HNRNPLL: variants seen among roughly 807,000 people sequenced by gnomAD.
The protein encoded by HNRNPLL is heterogeneous nuclear ribonucleoprotein L-like.
A neutral mutation model predicts 67.1 loss-of-function variants in HNRNPLL; 25 were observed. The ratio of observed to expected loss-of-function variants is 0.37; its 90% CI spans 0.27 to 0.52. The LOEUF (loss-of-function observed/expected upper bound fraction) is 0.52. Among genes scored for constraint, HNRNPLL ranks in the 20% least tolerant of loss-of-function variants. HNRNPLL has a pLI of 0.90. For missense variants in HNRNPLL, 542 were observed against 673.9 expected, an observed-to-expected ratio of 0.80 and a Z score of 2.17; for synonymous variants, 267 against 241.7, an observed-to-expected ratio of 1.10 and a Z score of -0.97.
chr2:38,577,416 C>A lies in HNRNPLL; in HGVS notation c.874+45G>T. ...ATACTTCATCAGAAATGCAGCAAGT[C>A]AAACAGTTCATCTATACTACCTTCT... On this transcript the variant is annotated intron_variant, in intron 7 of 12. Coordinates refer to ENST00000449105, the MANE Select transcript of HNRNPLL (RefSeq NM_138394.4). The A allele has an allele frequency of 2.6e-6, 3 of 1,173,048 alleles. No individual in the cohort carries two copies. In the South Asian group the frequency reaches 3.7e-5, roughly 14 times the overall value. 72.7% of individuals were successfully genotyped at this position (1,173,048 alleles called of 1,614,324 possible). A position where few individuals can be genotyped will look rare whatever the true frequency, so the allele number is the denominator to read the frequency against.
chr2:38,602,120 C>G (rs1279945558), intron 1 of HNRNPLL: 6 of 361,308 alleles, frequency 1.7e-5, no homozygotes, highest in African/African-American at 2.2e-5. Flanking sequence ...TAACAAAGAG[C>G]TCCCCGAGCC....
In HNRNPLL at chr2:38,562,899, C is replaced by A. The variant is rs1246223639; in HGVS notation, c.*1283G>T. On this transcript the variant is annotated 3_prime_UTR_variant, in exon 13 of 13. Coordinates refer to ENST00000449105, the MANE Select transcript of HNRNPLL (RefSeq NM_138394.4). ...TTTATATTAAAATTTAAAATAAAGT[C>A]TTTACAAAAGATCTAAATGGAACTT... 6.6e-6 allele frequency: 1 copy of A among 151,948 alleles called. No individual in the cohort carries two copies. The highest frequency in any genetic ancestry group is 2.1e-4 in the South Asian group (1 of 4,824). The allele number at this position is 151,948 out of a possible 1,614,324, so 9.4% of individuals were successfully genotyped here.
intron 1 of HNRNPLL, among the ~76,000 whole-genome samples, chr2:38,597,455 A>C (rs1020195613): frequency 3.3e-5 from 5 of 152,234 alleles, no homozygotes; most frequent in Non-Finnish European, 5.9e-5. Flanking sequence ...AATATAGAAC[A>C]AAGGACAAAG....
chr2:38,567,760 T>C (rs546510873), intron 12 of HNRNPLL, among the ~76,000 whole-genome samples: 1 of 152,316 alleles, frequency 6.6e-6, no homozygotes, highest in South Asian at 2.1e-4. Context: ...ATTTATCTCT[T>C]GGATCACTCA....
rs758947919 is a variant in HNRNPLL, at chr2:38,568,160, C to T, written c.1573+39G>A. On this transcript the variant is annotated intron_variant, in intron 12 of 12. Transcript: ENST00000449105. ...TGAATGTTTCTGTGATGGTAACTGC[C>T]ACTACATAATTACAACACAAATAAA... 5 of 1,208,146 alleles carry T rather than the reference C, an allele frequency of 4.1e-6. No individual in the cohort carries two copies. The East Asian group carries it at 7.1e-5, about 17-fold the overall frequency. The allele number at this position is 1,208,146 out of a possible 1,614,324, so 74.8% of individuals were successfully genotyped here.
intron 8 of HNRNPLL, among the ~76,000 whole-genome samples, chr2:38,572,706 G>A (rs760659307): frequency 6.6e-6 from 1 of 151,956 alleles, no homozygotes; most frequent in African/African-American, 2.4e-5. Context: ...TATCAAAGTG[G>A]GTCAGTTTCA....
At chr2:38,567,102 T>G (rs762565654) in intron 12 of HNRNPLL, among the ~76,000 whole-genome samples, 8 of 148,962 alleles carry the variant, frequency 5.4e-5, no homozygotes, top group Non-Finnish European at 1.0e-4. Context: ...AATCATTTTG[T>G]TTTTTTATTT....
At chr2:38,602,154 G>C in intron 1 of HNRNPLL, 1 of 459,628 alleles carries the variant, frequency 2.2e-6, no homozygotes, top group Non-Finnish European at 3.8e-6. Context: ...GAGCGGAAGC[G>C]ACGCCTCCCC....
At chr2:38,580,001 A>G (rs1666459379) in intron 6 of HNRNPLL, among the ~76,000 whole-genome samples, 1 of 152,224 alleles carries the variant, frequency 6.6e-6, no homozygotes, top group African/African-American at 2.4e-5. Flanking sequence ...TTCTAAACTT[A>G]TCTGACTAGA....
At chr2:38,584,368 T>C (rs1418491475) in intron 3 of HNRNPLL, among the ~76,000 whole-genome samples, 1 of 152,182 alleles carries the variant, frequency 6.6e-6, no homozygotes, top group African/African-American at 2.4e-5. Context: ...CCTAAAATTA[T>C]TATACTTTAA....
Position 38,585,861 on chromosome 2 carries a change from A to G in HNRNPLL, c.329T>C (p.Phe110Ser), listed in dbSNP as rs781381969. 6.2e-7 allele frequency: 1 copy of G among 1,609,382 alleles called. No homozygotes were observed. Among genetic ancestry groups the G allele is most frequent in the South Asian group, 1.1e-5 (1 of 91,000 alleles). Residue 110 changes from phenylalanine (F) to serine (S), a missense_variant, in exon 3 of 13, where the codon TTT becomes TCT. Phe to Ser is a radical substitution (Grantham distance 155). Coordinates refer to ENST00000449105, the MANE Select transcript of HNRNPLL (RefSeq NM_138394.4). ...AAATTCCACTAGAGCCTGTCGTTTA[A>G]ATGGCATCATCATCACATAGCTGAA... ...GTICYVMMMP[F>S]KRQALVEFEN... is the part of the protein sequence containing the mutation.
At chr2:38,587,447 G>A (rs775499497) in intron 2 of HNRNPLL, among the ~76,000 whole-genome samples, 2 of 151,914 alleles carry the variant, frequency 1.3e-5, no homozygotes, top group Non-Finnish European at 2.9e-5. Context: ...TTAATCTAGG[G>A]GACTTATTAG....
intron 12 of HNRNPLL, 48 bp downstream of exon 12, chr2:38,568,151 G>T (rs1406735219): frequency 9.0e-7 from 1 of 1,109,206 alleles, no homozygotes; most frequent in Non-Finnish European, 1.4e-6. Context: ...TTTCTGTGAT[G>T]GTAACTGCCA....
intron 1 of HNRNPLL, among the ~76,000 whole-genome samples, chr2:38,599,090 G>T (rs970531837): frequency 2.0e-5 from 3 of 152,174 alleles, no homozygotes; most frequent in Non-Finnish European, 4.4e-5. Flanking sequence ...TTTACATTGT[G>T]CAAGTATAAC....
Position 38,564,104 on chromosome 2 carries a change from T to C in HNRNPLL, c.*78A>G. On this transcript the variant is annotated 3_prime_UTR_variant, in exon 13 of 13. Transcript: ENST00000449105. The stretch of plus-strand genomic sequence containing the variant: ...AGCAAGGCAACATGAGATCAACCAT[T>C]TTAGATTTTTTTTTAATGAAGTGTA... 1.1e-6 allele frequency: 1 copy of C among 896,350 alleles called. No homozygotes were observed. Among genetic ancestry groups the C allele is most frequent in the Non-Finnish European group, 1.9e-6 (1 of 536,128 alleles). 55.5% of individuals were successfully genotyped at this position (896,350 alleles called of 1,614,324 possible). A position where few individuals can be genotyped will look rare whatever the true frequency, so the allele number is the denominator to read the frequency against.
Position 38,602,633 on chromosome 2 carries a change from G to A in HNRNPLL, c.-7C>T, listed in dbSNP as rs778433930. 3.0e-5 allele frequency: 45 copies of A among 1,507,584 alleles called. No individual in the cohort carries two copies. The highest frequency in any genetic ancestry group is 9.3e-5 in the Admixed American group (4 of 43,202). 93.4% of individuals were successfully genotyped at this position (1,507,584 alleles called of 1,614,324 possible). A position where few individuals can be genotyped will look rare whatever the true frequency, so the allele number is the denominator to read the frequency against. On this transcript the variant is annotated 5_prime_UTR_variant, in exon 1 of 13. Transcript: ENST00000449105. ...AGGAAGAGGAGGAGGACATGGCGGC[G>A]GCCGGAGGGACCGGCTGGCAGGCGG...
chr2:38,578,476 C>T (rs1666388282), intron 6 of HNRNPLL, among the ~76,000 whole-genome samples: 1 of 151,990 alleles, frequency 6.6e-6, no homozygotes, highest in Non-Finnish European at 1.5e-5. Context: ...CATTCTAATC[C>T]TTGAAAATTC....
At chr2:38,567,017 G>C (rs537735448) in intron 12 of HNRNPLL, among the ~76,000 whole-genome samples, 1 of 152,064 alleles carries the variant, frequency 6.6e-6, no homozygotes, top group Non-Finnish European at 1.5e-5. Context: ...AAAAAGCTTT[G>C]AATGTGGCAA....
chr2:38,566,366 C>CAAA (rs71402234), intron 12 of HNRNPLL, among the ~76,000 whole-genome samples: 1 of 59,450 alleles, frequency 1.7e-5, no homozygotes, highest in African/African-American at 5.8e-5. Flanking sequence ...AGACTCGTCT[C>CAAA]AAAAAAAAAA....
Sources: gnomAD v4.1 joint callset for allele counts (sites outside exome capture counted in the v4.1 genomes callset) on GRCh38, gnomAD v4.1.1 for gene constraint, MANE v1.5 for transcripts, NCBI Gene and HGNC (gene_info 2026-07-23, HGNC 2026-07-21) for gene names.